The following DGKB variants were observed in gnomAD, a reference collection of about 807,000 sequenced individuals.
DGKB encodes 90 kDa diacylglycerol kinase.
In DGKB, 67 loss-of-function variants were observed where a neutral mutation model predicts 114.3. The observed-to-expected ratio is 0.59, with a 90% confidence interval of 0.48 to 0.72. DGKB has a LOEUF of 0.72. Ranked by LOEUF, DGKB falls within the 30% of genes least tolerant of loss-of-function variation. The pLI, the probability that DGKB is intolerant of heterozygous loss-of-function variation, is 0.00. For synonymous variants in DGKB, 398 were observed against 323.1 expected (o/e 1.23, Z -2.49); for missense variants, 907 against 975.2 (o/e 0.93, Z 0.93).
rs1800183714 is a variant in DGKB at position 14,583,036 on chromosome 7, T to G, written c.1519+16A>C. ...TTGCTCTCTCCCCAGCCATATTAAGTATGTGTCTGCATTACCTATGCAATC... is the reference window on the plus strand; with the variant it reads ...TTGCTCTCTCCCCAGCCATATTAAGGATGTGTCTGCATTACCTATGCAATC... On this transcript the variant is annotated intron_variant, in intron 18 of 25. Coordinates refer to ENST00000402815, the MANE Select transcript of DGKB (RefSeq NM_001350709.2). 4 of 1,542,782 alleles carry G rather than the reference T, an allele frequency of 2.6e-6. No homozygotes were observed. The highest frequency in any genetic ancestry group is 3.6e-6 in the Non-Finnish European group (4 of 1,115,608).
intron 23 of DGKB, among the ~76,000 whole-genome samples, chr7:14,245,801 G>A (rs1012900259): frequency 6.6e-5 from 10 of 152,060 alleles, no homozygotes; most frequent in East Asian, 1.9e-4. Context: ...GGTGGTGTGC[G>A]CCTGTAGTCC....
At position 14,273,982 on chromosome 7, in the gene DGKB, C is replaced by T. The variant is rs1584867615; in HGVS notation, c.2122+64533G>A. Among the ~76,000 whole-genome samples the T allele has an allele frequency of 2.6e-5, 4 of 152,248 alleles. No homozygotes were observed. In the East Asian group the frequency reaches 7.7e-4, roughly 29 times the overall value. Reference sequence around the variant, plus strand: ...TTTGAGGATTTTAAATTATTAGAAACATATTTGTATTTCATTGTTTTGTGG... The same window carrying T: ...TTTGAGGATTTTAAATTATTAGAAATATATTTGTATTTCATTGTTTTGTGG... On this transcript the variant is annotated intron_variant, in intron 23 of 25. Transcript: ENST00000402815.
intron 25 of DGKB, 196 bp downstream of exon 25, chr7:14,176,643 T>A (rs1781780465): frequency 7.6e-7 from 1 of 1,317,136 alleles, no homozygotes; most frequent in Non-Finnish European, 9.7e-7. Context: ...ATTCAAGAGC[T>A]AAATCATTGC....
chr7:14,219,276 C>T (rs1229633506), intron 23 of DGKB, among the ~76,000 whole-genome samples: 2 of 151,812 alleles, frequency 1.3e-5, no homozygotes, highest in African/African-American at 2.4e-5. Flanking sequence ...TTTTCATGGA[C>T]TCTGACCTAA....
At chr7:14,654,626 T>C (rs1303416972) in intron 13 of DGKB, among the ~76,000 whole-genome samples, 1 of 151,968 alleles carries the variant, frequency 6.6e-6, no homozygotes, top group Non-Finnish European at 1.5e-5. Context: ...GACTTCCAAG[T>C]ATATCACAAA....
chr7:14,903,956 C>G (rs1179702601), upstream of DGKB, among the ~76,000 whole-genome samples: 1 of 152,126 alleles, frequency 6.6e-6, no homozygotes, highest in Non-Finnish European at 1.5e-5. Context: ...TAACATCTCT[C>G]TGTCAGCTAC....
At chr7:14,164,209 TC>T (rs1784322114) in intron 25 of DGKB, among the ~76,000 whole-genome samples, 1 of 152,204 alleles carries the variant, frequency 6.6e-6, no homozygotes, top group African/African-American at 2.4e-5. Context: ...TTAGTCTTTT[TC>T]TTTCATCACT....
chr7:14,199,365 CA>C (rs1248795845), intron 23 of DGKB, among the ~76,000 whole-genome samples: 3 of 151,798 alleles, frequency 2.0e-5, no homozygotes, highest in Non-Finnish European at 2.9e-5. Context: ...AAAAGAACAG[CA>C]AATAAAAATG....
chr7:14,945,952 G>C (rs187590157), intron 1 of DGKB, among the ~76,000 whole-genome samples: 2 of 151,526 alleles, frequency 1.3e-5, no homozygotes, highest in East Asian at 3.9e-4. Flanking sequence ...TGAATTTCAA[G>C]GGGAGAATAT....
At chr7:14,544,357 G>T (rs1291183357) in intron 20 of DGKB, among the ~76,000 whole-genome samples, 1 of 152,082 alleles carries the variant, frequency 6.6e-6, no homozygotes, top group East Asian at 1.9e-4. Flanking sequence ...GAAAAGTAGT[G>T]GTTTGTATTA....
intron 23 of DGKB, among the ~76,000 whole-genome samples, chr7:14,320,590 A>G (rs989416565): frequency 1.3e-5 from 2 of 151,878 alleles, no homozygotes; most frequent in Non-Finnish European, 2.9e-5. Flanking sequence ...TATATAGTAC[A>G]TATATATAGT....
intron 13 of DGKB, among the ~76,000 whole-genome samples, chr7:14,648,841 G>A (rs1445042106): frequency 7.3e-6 from 1 of 136,330 alleles, no homozygotes; most frequent in East Asian, 2.1e-4. Context: ...AGAGCTACAT[G>A]AAGAATGCAG....
chr7:14,173,628 T>A (rs1053599204), intron 25 of DGKB, among the ~76,000 whole-genome samples: 1 of 152,206 alleles, frequency 6.6e-6, no homozygotes, highest in Non-Finnish European at 1.5e-5. Flanking sequence ...GTAGCATTCT[T>A]ATTTTCTGTA....
intron 23 of DGKB, among the ~76,000 whole-genome samples, chr7:14,244,992 G>A (rs17168013): frequency 0.14 from 21,809 of 152,042 alleles, 2,120 homozygotes; most frequent in East Asian, 0.43. Context: ...TTACCCCATG[G>A]CTCTCATTAC....
Position 14,478,348 on chromosome 7 carries a change from G to C in DGKB, c.1771-123C>G, listed in dbSNP as rs1782499386. 9.8e-6 allele frequency: 6 copies of C among 609,896 alleles called. No homozygotes were observed. The East Asian group carries it at 1.8e-4, about 19-fold the overall frequency. 37.8% of individuals were successfully genotyped at this position (609,896 alleles called of 1,614,324 possible). On this transcript the variant is annotated intron_variant, in intron 20 of 25. Coordinates refer to ENST00000402815, the MANE Select transcript of DGKB (RefSeq NM_001350709.2). The stretch of plus-strand genomic sequence containing the variant: ...CTTTTATTTACAATATTATTGCCAA[G>C]AAGGTTATGTAAAATTAGGCAAAAA...
At chr7:14,643,610 C>T (rs1585288030) in intron 13 of DGKB, among the ~76,000 whole-genome samples, 1 of 152,226 alleles carries the variant, frequency 6.6e-6, no homozygotes, top group East Asian at 1.9e-4. Context: ...CCCTGTACTC[C>T]AGAAAATAGG....
chr7:14,805,873 C>T (rs1011223946), intron 2 of DGKB, among the ~76,000 whole-genome samples: 12 of 150,266 alleles, frequency 8.0e-5, no homozygotes, highest in Admixed American at 3.3e-4. Context: ...AAGTATATTT[C>T]CTTTAATTAA....
At chr7:14,454,306 T>TA (rs1352757603) in intron 21 of DGKB, among the ~76,000 whole-genome samples, 3 of 152,128 alleles carry the variant, frequency 2.0e-5, no homozygotes, top group East Asian at 1.9e-4. Flanking sequence ...TTCCCTATTT[T>TA]AAAAAATCAC....
intron 21 of DGKB, among the ~76,000 whole-genome samples, chr7:14,365,562 T>G (rs1472113330): frequency 6.6e-6 from 1 of 152,022 alleles, no homozygotes; most frequent in Non-Finnish European, 1.5e-5. Flanking sequence ...CATATCTATC[T>G]CGTAATTATT....
Sources: gnomAD v4.1 joint callset for allele counts (sites outside exome capture counted in the v4.1 genomes callset) on GRCh38, gnomAD v4.1.1 for gene constraint, MANE v1.5 for transcripts, NCBI Gene and HGNC (gene_info 2026-07-23, HGNC 2026-07-21) for gene names.